The following TUBGCP3 variants were observed in gnomAD, a reference collection of about 807,000 sequenced individuals.
TUBGCP3 encodes tubulin gamma complex component 3.
In TUBGCP3, 50 loss-of-function variants were observed where a neutral mutation model predicts 123.1. That is an observed-to-expected ratio of 0.41 (90% CI 0.32 to 0.51). TUBGCP3 has a LOEUF of 0.51. TUBGCP3 is among the 20% of genes least tolerant of loss of function. The probability of loss-of-function intolerance (pLI) is 0.36; values close to 1 mark genes in which losing one functional copy is unlikely to be tolerated. For synonymous variants in TUBGCP3, 405 were observed against 413.9 expected (o/e 0.98, Z 0.26); for missense variants, 882 against 1,127.0 (o/e 0.78, Z 3.11).
chr13:112,527,614 T>C, intron 11 of TUBGCP3, 130 bp from the exon 12 acceptor site: 1 of 632,056 alleles, frequency 1.6e-6, no homozygotes, highest in Non-Finnish European at 2.8e-6. Context: ...TACCTATTTA[T>C]ACAATAAAAC....
intron 21 of TUBGCP3, among the ~76,000 whole-genome samples, chr13:112,488,628 G>A (rs1346674067): frequency 6.6e-6 from 1 of 150,614 alleles, no homozygotes; most frequent in African/African-American, 2.5e-5. Context: ...ACCCACCACA[G>A]GGGAGCACAG....
Position 112,548,195 on chromosome 13 carries a change from T to G in TUBGCP3, c.967-19A>C, listed in dbSNP as rs1279214433. On this transcript the variant is annotated intron_variant, in intron 8 of 21. Transcript: ENST00000261965. ...AAAAGCTCTGTTTGGAGGAGAAATA[T>G]AATTAAAGCACGACACACTCATTAC... 1 of 1,587,444 alleles carries G rather than the reference T, an allele frequency of 6.3e-7. No homozygotes were observed. The highest frequency in any genetic ancestry group is 2.2e-5 in the East Asian group (1 of 44,510).
At chr13:112,582,966 C>T (rs773212887) in intron 1 of TUBGCP3, among the ~76,000 whole-genome samples, 1 of 152,210 alleles carries the variant, frequency 6.6e-6, no homozygotes, top group East Asian at 1.9e-4. Flanking sequence ...TTGTCTCTAT[C>T]GAGCACACAG....
intron 4 of TUBGCP3, among the ~76,000 whole-genome samples, chr13:112,558,673 T>C (rs1022248222): frequency 1.1e-4 from 17 of 152,182 alleles, no homozygotes; most frequent in African/African-American, 3.9e-4. Flanking sequence ...AAACTGAAAC[T>C]TGAATAATTT....
At chr13:112,585,366 T>C (rs1003433487) in intron 1 of TUBGCP3, among the ~76,000 whole-genome samples, 6 of 152,204 alleles carry the variant, frequency 3.9e-5, no homozygotes, top group African/African-American at 1.2e-4. Flanking sequence ...CTTCAGTAAA[T>C]AGCAGCATAA....
upstream of TUBGCP3, among the ~76,000 whole-genome samples, chr13:112,589,540 G>A (rs1882831155): frequency 6.6e-6 from 1 of 152,228 alleles, no homozygotes; most frequent in South Asian, 2.1e-4. Context: ...TTGGCAAAAG[G>A]AATAACTGCT....
intron 11 of TUBGCP3, among the ~76,000 whole-genome samples, chr13:112,543,362 A>G (rs1878688595): frequency 6.6e-6 from 1 of 152,248 alleles, no homozygotes; most frequent in South Asian, 2.1e-4. Context: ...ATTTTAAAAG[A>G]AAGTTCATAC....
intron 17 of TUBGCP3, 55 bp from the exon 18 acceptor site, chr13:112,504,769 G>A (rs959585161): frequency 2.0e-5 from 29 of 1,415,002 alleles, no homozygotes; most frequent in Non-Finnish European, 2.4e-5. Flanking sequence ...TACCGACAAC[G>A]CGCTGTTCTC....
At chr13:112,574,485 G>A (rs1881657800) in intron 1 of TUBGCP3, among the ~76,000 whole-genome samples, 1 of 152,246 alleles carries the variant, frequency 6.6e-6, no homozygotes, top group Admixed American at 6.5e-5. Context: ...CCCCAGAAAT[G>A]TAACAAAGGA....
At chr13:112,543,728 C>T (rs1475817210) in intron 11 of TUBGCP3, among the ~76,000 whole-genome samples, 3 of 152,032 alleles carry the variant, frequency 2.0e-5, no homozygotes, top group Non-Finnish European at 2.9e-5. Flanking sequence ...AATGATTCTT[C>T]GTACTATTTT....
intron 14 of TUBGCP3, among the ~76,000 whole-genome samples, chr13:112,521,158 G>A (rs1876587608): frequency 6.6e-6 from 1 of 152,180 alleles, no homozygotes; most frequent in South Asian, 2.1e-4. Flanking sequence ...TGGCATTAGA[G>A]AACATTTCCC....
At chr13:112,547,888 G>T in intron 9 of TUBGCP3, 136 bp from the exon 10 acceptor site, 1 of 1,131,742 alleles carries the variant, frequency 8.8e-7, no homozygotes, top group Non-Finnish European at 1.2e-6. Flanking sequence ...AAAAAAAATA[G>T]TATTTTAAAG....
At chr13:112,536,119 A>G (rs1433946477) in intron 11 of TUBGCP3, among the ~76,000 whole-genome samples, 2 of 152,252 alleles carry the variant, frequency 1.3e-5, no homozygotes, top group African/African-American at 4.8e-5. Context: ...CCAGAGGTCT[A>G]TCATTATGCC....
intron 21 of TUBGCP3, among the ~76,000 whole-genome samples, chr13:112,488,602 A>AC (rs779831396): frequency 1.9e-4 from 28 of 150,738 alleles, no homozygotes; most frequent in Non-Finnish European, 3.1e-4. Flanking sequence ...CGCAGGGGCC[A>AC]CCCCCAGGTC....
At chr13:112,547,424 G>C (rs1285492381) in intron 10 of TUBGCP3, 196 bp downstream of exon 10, 1 of 940,268 alleles carries the variant, frequency 1.1e-6, no homozygotes, top group Non-Finnish European at 1.4e-6. Context: ...GGCCATTAAG[G>C]ACAAAAACGG....
intron 1 of TUBGCP3, among the ~76,000 whole-genome samples, chr13:112,570,053 G>C (rs888077057): frequency 6.6e-6 from 1 of 152,112 alleles, no homozygotes; most frequent in African/African-American, 2.4e-5. Context: ...GCTGAAGGGG[G>C]AGACCTGGCT....
At chr13:112,507,622 G>A (rs1881390278) in intron 17 of TUBGCP3, among the ~76,000 whole-genome samples, 1 of 152,164 alleles carries the variant, frequency 6.6e-6, no homozygotes, top group South Asian at 2.1e-4. Flanking sequence ...TCAGTCCCAT[G>A]AAAGCTCAGG....
chr13:112,515,506 C>A (rs1876038061), intron 17 of TUBGCP3, among the ~76,000 whole-genome samples: 1 of 152,200 alleles, frequency 6.6e-6, no homozygotes, highest in South Asian at 2.1e-4. Flanking sequence ...AGAAAGGAGA[C>A]CCGCAGAGCC....
chr13:112,599,804 C>T, the TUBGCP3 span, among the ~76,000 whole-genome samples: 1 of 152,306 alleles, frequency 6.6e-6, no homozygotes, highest in East Asian at 1.9e-4. Flanking sequence ...CAGGCATGAG[C>T]CACTGCGCCC....
Sources: gnomAD v4.1 joint callset for allele counts (sites outside exome capture counted in the v4.1 genomes callset) on GRCh38, gnomAD v4.1.1 for gene constraint, MANE v1.5 for transcripts, NCBI Gene and HGNC (gene_info 2026-07-23, HGNC 2026-07-21) for gene names.